STIP1: variants seen among roughly 807,000 people sequenced by gnomAD.
The protein encoded by STIP1 is stress-induced-phosphoprotein 1.
A neutral mutation model predicts 77.4 loss-of-function variants in STIP1; 16 were observed. That is an observed-to-expected ratio of 0.21 (90% CI 0.14 to 0.31). The LOEUF is 0.31. STIP1 is among the 10% of genes least tolerant of loss of function. STIP1 has a pLI of 1.00. For missense variants in STIP1, 524 were observed against 684.8 expected (o/e 0.77, Z 2.62); for synonymous variants, 258 against 246.6 (o/e 1.05, Z -0.44).
At chr11:64,196,493 C>T (rs915511732) in intron 5 of STIP1, among the ~76,000 whole-genome samples, 5 of 151,550 alleles carry the variant, frequency 3.3e-5, no homozygotes, top group African/African-American at 7.3e-5. Flanking sequence ...GTCACCACAG[C>T]GGCTTCATTG....
intron 1 of STIP1, among the ~76,000 whole-genome samples, chr11:64,188,230 G>A (rs1264150269): frequency 1.3e-5 from 2 of 151,584 alleles, no homozygotes; most frequent in Non-Finnish European, 2.9e-5. Context: ...TGTAATCCCA[G>A]CTATTGGAGA....
chr11:64,194,098 C>T (rs780566546), intron 2 of STIP1, 91 bp from the exon 3 acceptor site: 214 of 1,518,590 alleles, frequency 1.4e-4, no homozygotes, highest in Non-Finnish European at 1.7e-4. Flanking sequence ...TCATTTTTCC[C>T]CCATAAAAGT....
intron 1 of STIP1, among the ~76,000 whole-genome samples, chr11:64,192,237 C>G (rs1346386597): frequency 1.3e-5 from 2 of 152,186 alleles, no homozygotes; most frequent in Non-Finnish European, 2.9e-5. Flanking sequence ...TCGCTTGAAC[C>G]TGGGAGGCGG....
At chr11:64,192,292 TG>T (rs1260039114) in intron 1 of STIP1, among the ~76,000 whole-genome samples, 1 of 152,134 alleles carries the variant, frequency 6.6e-6, no homozygotes, top group East Asian at 1.9e-4. Context: ...CCAGCCTGGG[TG>T]ACAGAGTGAG....
chr11:64,203,428 C>G (rs1350895116), intron 12 of STIP1, 22 bp from the exon 13 acceptor site: 5 of 1,613,780 alleles, frequency 3.1e-6, no homozygotes, highest in East Asian at 2.2e-5. Context: ...CACGCTTCAC[C>G]TTTGTCTCTT....
chr11:64,203,965 T>C (rs1946252344), intron 13 of STIP1, 89 bp from the exon 14 acceptor site: 1 of 1,497,128 alleles, frequency 6.7e-7, no homozygotes, highest in Non-Finnish European at 9.3e-7. Flanking sequence ...CGGGGCCTTC[T>C]GTAGAGGGGG....
Position 64,186,235 on chromosome 11 carries a change from C to A in STIP1, c.-27C>A. On this transcript the variant is annotated 5_prime_UTR_variant, in exon 1 of 14. Coordinates refer to ENST00000305218, the MANE Select transcript of STIP1 (RefSeq NM_006819.3). ...GAACGCGGAGCGGACGGATTCGATT[C>A]AACGGGGTTCCGGACCGCGCTGCGC... The A allele has an allele frequency of 6.5e-7, 1 of 1,550,002 alleles. No homozygotes were observed. Among genetic ancestry groups the A allele is most frequent in the Non-Finnish European group, 8.7e-7 (1 of 1,146,712 alleles).
At chr11:64,200,363 C>A in intron 10 of STIP1, 70 bp downstream of exon 10, 2 of 1,539,888 alleles carry the variant, frequency 1.3e-6, no homozygotes, top group Non-Finnish European at 1.7e-6. Context: ...TCTCTCTCTC[C>A]TCATCAACAT....
intron 8 of STIP1, among the ~76,000 whole-genome samples, chr11:64,198,783 G>A (rs1946180600): frequency 1.1e-5 from 1 of 91,114 alleles, no homozygotes; most frequent in Non-Finnish European, 2.4e-5. Flanking sequence ...GCAGTTTTTG[G>A]TATTGGCCAA....
rs1260417602 is a variant in STIP1, at chr11:64,194,193, A to G, written c.224A>G (p.Tyr75Cys). 1.9e-6 allele frequency: 3 copies of G among 1,613,386 alleles called. No homozygotes were observed. Among genetic ancestry groups the G allele is most frequent in the South Asian group, 1.1e-5 (1 of 90,840 alleles). ...GTCTGTCTTTGGTGGTTTAAGGGCT[A>G]TTCACGAAAAGCAGCAGCTCTAGAG... ...VDLKPDWGKG[Y>C]SRKAAALEFL... Residue 75 changes from tyrosine to cysteine, a missense_variant, in exon 3 of 14, where the codon TAT becomes TGT. Physicochemically the swap from Tyr to Cys is radical, Grantham distance 194 (BLOSUM62 -2). Coordinates refer to ENST00000305218, the MANE Select transcript of STIP1 (RefSeq NM_006819.3).
intron 1 of STIP1, among the ~76,000 whole-genome samples, chr11:64,189,669 C>T (rs1445910769): frequency 6.6e-6 from 1 of 152,104 alleles, no homozygotes; most frequent in East Asian, 1.9e-4. Flanking sequence ...ACAGTATTTA[C>T]TGTTATGTGC....
rs200955950 is a variant in STIP1, at chr11:64,195,098, C to CATTTTATTTT, written c.503+499_503+508dup. Among the ~76,000 whole-genome samples, 22 of 152,104 alleles carry CATTTTATTTT rather than the reference C, an allele frequency of 1.4e-4. No individual in the cohort carries two copies. The East Asian group carries it at 3.9e-3, about 27-fold the overall frequency. On this transcript the variant is annotated intron_variant, in intron 4 of 13. Coordinates refer to ENST00000305218, the MANE Select transcript of STIP1 (RefSeq NM_006819.3). ...GGAATAAACTTGACCTCTGTGACTTCATTTTATTTTATTTTATTTTATTTT... is the reference window on the plus strand; with the variant it reads ...GGAATAAACTTGACCTCTGTGACTTCATTTTATTTTATTTTATTTTATTTTATTTTATTTT...
At chr11:64,188,086 C>G (rs1343275940) in intron 1 of STIP1, among the ~76,000 whole-genome samples, 1 of 141,836 alleles carries the variant, frequency 7.1e-6, no homozygotes, top group Non-Finnish European at 1.5e-5. Context: ...GTGGCTCACG[C>G]TTATAATCCT....
At chr11:64,198,123 A>G (rs1333870600) in intron 8 of STIP1, 149 bp downstream of exon 8, 19 of 1,180,756 alleles carry the variant, frequency 1.6e-5, no homozygotes, top group African/African-American at 3.1e-5. Flanking sequence ...CAGTGGCACA[A>G]TCGTGGCTCA....
intron 10 of STIP1, among the ~76,000 whole-genome samples, chr11:64,200,897 C>T (rs1045071208): frequency 3.9e-5 from 6 of 151,972 alleles, no homozygotes; most frequent in Admixed American, 6.6e-5. Context: ...CACCATCTCC[C>T]GGGTATTTTA....
chr11:64,188,763 C>G (rs1946057951), intron 1 of STIP1, among the ~76,000 whole-genome samples: 1 of 152,174 alleles, frequency 6.6e-6, no homozygotes, highest in African/African-American at 2.4e-5. Context: ...GAATATTTGA[C>G]TTAGGACAGC....
chr11:64,196,395 C>CAAAA (rs57497154), intron 5 of STIP1, among the ~76,000 whole-genome samples: 3 of 69,576 alleles, frequency 4.3e-5, no homozygotes, highest in Admixed American at 1.6e-4. Context: ...GACTCCATCT[C>CAAAA]AAAAAAAAAA....
chr11:64,189,459 C>G (rs1565277649), intron 1 of STIP1, among the ~76,000 whole-genome samples: 1 of 151,396 alleles, frequency 6.6e-6, no homozygotes, highest in South Asian at 2.1e-4. Flanking sequence ...CCTGGCTGGT[C>G]GAGGTTGCAG....
chr11:64,200,256 G>A lies in STIP1; in HGVS notation c.1208G>A (p.Cys403Tyr). ...DAKLYSNRAA[C>Y]YTKLLEFQLA... ...AAATTATACAGCAATCGAGCTGCCT[G>A]CTACACCAAACTCCTGGAGTTCCAG... Residue 403 changes from cysteine to tyrosine, a missense_variant, in exon 10 of 14, where the codon TGC becomes TAC. By Grantham distance (194) the Cys-to-Tyr change is radical. Transcript: ENST00000305218. 6.2e-7 allele frequency: 1 copy of A among 1,614,052 alleles called. No homozygotes were observed. The highest frequency in any genetic ancestry group is 8.5e-7 in the Non-Finnish European group (1 of 1,179,990).
Sources: gnomAD v4.1 joint callset for allele counts (sites outside exome capture counted in the v4.1 genomes callset) on GRCh38, gnomAD v4.1.1 for gene constraint, MANE v1.5 for transcripts, NCBI Gene and HGNC (gene_info 2026-07-23, HGNC 2026-07-21) for gene names.